The following CADM2 variants were observed in gnomAD, a reference collection of about 807,000 sequenced individuals.
CADM2 encodes the protein cell adhesion molecule 2.
A neutral mutation model predicts 49.8 loss-of-function variants in CADM2; 12 were observed. That is an observed-to-expected ratio of 0.24 (90% CI 0.15 to 0.39). The LOEUF (loss-of-function observed/expected upper bound fraction) is 0.39, where lower values mean the gene tolerates loss of function less well. Among genes scored for constraint, CADM2 ranks in the 10% least tolerant of loss-of-function variants. CADM2 has a pLI of 1.00. For missense variants in CADM2, 378 were observed against 492.3 expected (o/e 0.77, Z 2.20); for synonymous variants, 214 against 175.4 (o/e 1.22, Z -1.74).
intron 1 of CADM2, among the ~76,000 whole-genome samples, chr3:84,961,952 C>T (rs2030565163): frequency 6.6e-6 from 1 of 152,102 alleles, no homozygotes; most frequent in Non-Finnish European, 1.5e-5. Context: ...AGGATTTACT[C>T]TTTCTCTACC....
At chr3:85,908,727 GAT>G (rs1491150629) in intron 5 of CADM2, among the ~76,000 whole-genome samples, 3 of 98,572 alleles carry the variant, frequency 3.0e-5, no homozygotes, top group Admixed American at 2.2e-4. Flanking sequence ...TTACGGTTAT[GAT>G]TTTTTTTTTT....
At chr3:85,087,701 C>T (rs2037435471) in intron 1 of CADM2, among the ~76,000 whole-genome samples, 1 of 151,984 alleles carries the variant, frequency 6.6e-6, no homozygotes, top group South Asian at 2.1e-4. Flanking sequence ...AAAGTTTTCC[C>T]ATATTTTTGT....
chr3:85,485,681 A>C (rs2039388740), intron 1 of CADM2, among the ~76,000 whole-genome samples: 1 of 152,070 alleles, frequency 6.6e-6, no homozygotes, highest in Non-Finnish European at 1.5e-5. Flanking sequence ...ACTAACATGA[A>C]AAGTAACTAT....
At chr3:85,959,524 A>T (rs759262038) in intron 7 of CADM2, among the ~76,000 whole-genome samples, 5 of 151,842 alleles carry the variant, frequency 3.3e-5, no homozygotes, top group Admixed American at 3.3e-4. Flanking sequence ...TCATAGGAGC[A>T]TCTCAGAGCA....
intron 1 of CADM2, among the ~76,000 whole-genome samples, chr3:85,008,409 T>C (rs1576021023): frequency 6.6e-6 from 1 of 152,288 alleles, no homozygotes; most frequent in Middle Eastern, 3.4e-3. Context: ...TACCTTACAT[T>C]GTATGTTAAC....
rs924596033 is a variant in CADM2, at chr3:85,679,667, C to G, written c.62-46855C>G. ...TTTCCGATTGATTTGGGAGTTGCTT[C>G]CAATCGCAGAACCAGCCTGAGCGCT... On this transcript the variant is annotated intron_variant, in intron 1 of 9. Transcript: ENST00000383699. Among the ~76,000 whole-genome samples the G allele has an allele frequency of 2.0e-5, 3 of 152,244 alleles. No individual in the cohort carries two copies. The South Asian group carries it at 6.2e-4, about 32-fold the overall frequency.
At chr3:85,978,371 A>G (rs1382958613) in intron 8 of CADM2, among the ~76,000 whole-genome samples, 1 of 151,638 alleles carries the variant, frequency 6.6e-6, no homozygotes, top group African/African-American at 2.4e-5. Flanking sequence ...TTAACTAATT[A>G]TGGATTAGAG....
intron 1 of CADM2, among the ~76,000 whole-genome samples, chr3:85,182,414 A>C (rs1350015737): frequency 1.3e-5 from 2 of 152,078 alleles, no homozygotes; most frequent in African/African-American, 4.8e-5. Context: ...GCTATGATAA[A>C]AAAGGAATTT....
intron 1 of CADM2, among the ~76,000 whole-genome samples, chr3:85,473,424 C>T (rs1417608607): frequency 6.6e-6 from 1 of 151,964 alleles, no homozygotes; most frequent in Non-Finnish European, 1.5e-5. Context: ...TTCATCACTG[C>T]ACCAGTCTTT....
intron 1 of CADM2, among the ~76,000 whole-genome samples, chr3:85,596,891 A>C (rs566003744): frequency 6.6e-6 from 1 of 152,088 alleles, no homozygotes; most frequent in Non-Finnish European, 1.5e-5. Flanking sequence ...TAATTTTTGC[A>C]TTTTTAGTAG....
chr3:85,761,990 T>C (rs2069411478), intron 2 of CADM2, among the ~76,000 whole-genome samples: 1 of 152,224 alleles, frequency 6.6e-6, no homozygotes, highest in Non-Finnish European at 1.5e-5. Context: ...TGTTTTAAGT[T>C]AGGGATTTTA....
intron 1 of CADM2, among the ~76,000 whole-genome samples, chr3:85,420,390 A>G (rs375186491): frequency 2.7e-4 from 41 of 152,364 alleles, no homozygotes; most frequent in African/African-American, 9.1e-4. Context: ...TTAGAAAAGA[A>G]TGCATGAGAA....
intron 1 of CADM2, among the ~76,000 whole-genome samples, chr3:85,070,238 G>T (rs1252082901): frequency 1.3e-5 from 2 of 151,844 alleles, no homozygotes; most frequent in African/African-American, 4.8e-5. Flanking sequence ...CGATTATGTG[G>T]GCTAAAATTA....
chr3:84,983,693 T>C (rs983016553), intron 1 of CADM2, among the ~76,000 whole-genome samples: 1 of 152,186 alleles, frequency 6.6e-6, no homozygotes, highest in Non-Finnish European at 1.5e-5. Flanking sequence ...CCTGCTAGGA[T>C]GTAAAGGCAT....
rs1739550239 is a variant in CADM2, at chr3:86,068,366, A to T, written c.*1583A>T. The T allele has an allele frequency of 6.6e-6, 1 of 151,986 alleles. No homozygotes were observed. The highest frequency in any genetic ancestry group is 1.5e-5 in the Non-Finnish European group (1 of 67,868). The allele number at this position is 151,986 out of a possible 1,614,324, so 9.4% of individuals were successfully genotyped here. ...TCATTAAATTTATTATATGCTAAAG[A>T]ATAAAACTCCAGTTAGATTTAAAAA... On this transcript the variant is annotated 3_prime_UTR_variant, in exon 10 of 10. Coordinates refer to ENST00000383699, the MANE Select transcript of CADM2 (RefSeq NM_001167675.2).
chr3:85,921,715 T>C (rs1311706900), intron 6 of CADM2, among the ~76,000 whole-genome samples: 1 of 152,040 alleles, frequency 6.6e-6, no homozygotes, highest in African/African-American at 2.4e-5. Context: ...TGTAGTTCTA[T>C]GGGTTTTGAC....
At chr3:85,282,745 A>G (rs981167059) in intron 1 of CADM2, among the ~76,000 whole-genome samples, 2 of 152,084 alleles carry the variant, frequency 1.3e-5, no homozygotes, top group African/African-American at 4.8e-5. Flanking sequence ...GCATATTTCT[A>G]GCTTATTAAA....
intron 1 of CADM2, among the ~76,000 whole-genome samples, chr3:85,130,985 C>T (rs190317010): frequency 1.7e-3 from 261 of 152,296 alleles, no homozygotes; most frequent in African/African-American, 5.9e-3. Context: ...GAGTTCAAGA[C>T]CAGCCTGGCC....
At chr3:85,512,438 TGTGA>T (rs1200954689) in intron 1 of CADM2, among the ~76,000 whole-genome samples, 2 of 152,034 alleles carry the variant, frequency 1.3e-5, no homozygotes, top group Admixed American at 6.6e-5. Context: ...TCTTTGTTAT[TGTGA>T]GTAATGCCTC....
Sources: gnomAD v4.1 joint callset for allele counts (sites outside exome capture counted in the v4.1 genomes callset) on GRCh38, gnomAD v4.1.1 for gene constraint, MANE v1.5 for transcripts, NCBI Gene and HGNC (gene_info 2026-07-23, HGNC 2026-07-21) for gene names.